The following ANKFN1 variants were observed in gnomAD, a reference collection of about 807,000 sequenced individuals.
ANKFN1 encodes ankyrin repeat and fibronectin type-III domain-containing protein 1.
In ANKFN1, 74 loss-of-function variants were observed where a neutral mutation model predicts 108.7. The observed-to-expected ratio is 0.68, with a 90% confidence interval of 0.56 to 0.83. The LOEUF is 0.83. Among genes scored for constraint, ANKFN1 ranks in the 40% least tolerant of loss-of-function variants. The probability of loss-of-function intolerance (pLI) is 0.00; values close to 1 mark genes in which losing one functional copy is unlikely to be tolerated. For missense variants in ANKFN1, 1,505 were observed against 1,382.3 expected (o/e 1.09, Z -1.41); for synonymous variants, 547 against 516.2 (o/e 1.06, Z -0.81).
chr17:56,098,078 T>C (rs1293830287), intron 4 of ANKFN1, among the ~76,000 whole-genome samples: 1 of 151,988 alleles, frequency 6.6e-6, no homozygotes, highest in Admixed American at 6.6e-5. Context: ...CAGAAGGAGA[T>C]TGGAGGAGGC....
At chr17:56,170,319 C>G (rs1910532298) in intron 1 of ANKFN1, among the ~76,000 whole-genome samples, 1 of 152,084 alleles carries the variant, frequency 6.6e-6, no homozygotes, top group South Asian at 2.1e-4. Context: ...CCAATAATTA[C>G]CAATGCAAAT....
chr17:56,494,304 A>C (rs933449602), intron 19 of ANKFN1, among the ~76,000 whole-genome samples: 5 of 152,150 alleles, frequency 3.3e-5, no homozygotes, highest in Admixed American at 2.0e-4. Flanking sequence ...CATTCAAAAC[A>C]TTTACTTCAT....
intron 4 of ANKFN1, among the ~76,000 whole-genome samples, chr17:56,050,420 T>A (rs374863755): frequency 7.4e-6 from 1 of 134,746 alleles, no homozygotes; most frequent in African/African-American, 2.9e-5. Context: ...GTCAATTTTG[T>A]CTTTTGTTGC....
chr17:56,300,426 A>C (rs2044639875), intron 3 of ANKFN1, among the ~76,000 whole-genome samples: 1 of 152,052 alleles, frequency 6.6e-6, no homozygotes, highest in Non-Finnish European at 1.5e-5. Context: ...CTTAATTTTT[A>C]AGCCCATGTG....
At chr17:56,250,181 C>A (rs1325170962) in intron 3 of ANKFN1, among the ~76,000 whole-genome samples, 2 of 152,120 alleles carry the variant, frequency 1.3e-5, no homozygotes, top group South Asian at 2.1e-4. Flanking sequence ...GTCCAAAAAA[C>A]CCAGTTTTAC....
chr17:56,098,910 G>A (rs1021394977), intron 4 of ANKFN1, among the ~76,000 whole-genome samples: 3 of 151,860 alleles, frequency 2.0e-5, no homozygotes, highest in African/African-American at 7.3e-5. Flanking sequence ...AGGAAGAGAA[G>A]GACACAATGT....
At chr17:56,482,666 T>A in intron 18 of ANKFN1, 142 bp downstream of exon 18, 1 of 992,324 alleles carries the variant, frequency 1.0e-6, no homozygotes, top group Non-Finnish European at 1.4e-6. Flanking sequence ...TAGAACTGTG[T>A]ACAAGTCTGA....
intron 8 of ANKFN1, among the ~76,000 whole-genome samples, chr17:56,385,365 C>T (rs1402935128): frequency 6.6e-6 from 1 of 152,172 alleles, no homozygotes; most frequent in Non-Finnish European, 1.5e-5. Flanking sequence ...ACCATAAAAA[C>T]CCTAGAAGAA....
chr17:56,459,023 T>C (rs2049809687), intron 14 of ANKFN1, among the ~76,000 whole-genome samples: 2 of 152,250 alleles, frequency 1.3e-5, no homozygotes, highest in African/African-American at 2.4e-5. Context: ...CTCTGTGATA[T>C]ATTCCATTAC....
intron 3 of ANKFN1, among the ~76,000 whole-genome samples, chr17:56,316,712 A>G (rs1358375568): frequency 6.6e-6 from 1 of 152,170 alleles, no homozygotes; most frequent in Non-Finnish European, 1.5e-5. Context: ...GGGTGGAAGG[A>G]GGAGAGTTTT....
In ANKFN1 at chr17:56,381,035, C is replaced by T. The variant is rs552268544; in HGVS notation, c.910+6321C>T. Reference sequence around the variant, plus strand: ...CCAAGCAGCCTAACTGGGAGGCACCCCCCAGTAGCGGCAGACTGACACCTC... The same window carrying T: ...CCAAGCAGCCTAACTGGGAGGCACCTCCCAGTAGCGGCAGACTGACACCTC... On this transcript the variant is annotated intron_variant, in intron 8 of 20. Transcript: ENST00000682825. 3.0e-4 allele frequency among the ~76,000 whole-genome samples: 45 copies of T among 152,322 alleles called. No homozygotes were observed. The Middle Eastern group carries it at 0.01, about 35-fold the overall frequency.
intron 3 of ANKFN1, among the ~76,000 whole-genome samples, chr17:56,260,821 C>T (rs1433866254): frequency 6.6e-6 from 1 of 152,176 alleles, no homozygotes; most frequent in African/African-American, 2.4e-5. Flanking sequence ...CAGGTCCAAA[C>T]GATGTCACCT....
intron 3 of ANKFN1, among the ~76,000 whole-genome samples, chr17:56,308,248 AAG>A (rs1426107881): frequency 1.3e-5 from 2 of 151,966 alleles, no homozygotes; most frequent in African/African-American, 4.8e-5. Flanking sequence ...AAAAAAAAAA[AAG>A]AAGTTAAAGC....
intron 4 of ANKFN1, among the ~76,000 whole-genome samples, chr17:56,342,262 A>C (rs185279114): frequency 6.7e-6 from 1 of 148,994 alleles, no homozygotes; most frequent in Admixed American, 6.7e-5. Flanking sequence ...TCCTTGATTA[A>C]TTGATCTTTT....
At chr17:56,490,408 G>A (rs1598713204) in intron 18 of ANKFN1, among the ~76,000 whole-genome samples, 1 of 152,272 alleles carries the variant, frequency 6.6e-6, no homozygotes, top group East Asian at 1.9e-4. Context: ...ATGTTTCAAA[G>A]CATGGAAGTA....
In ANKFN1 at chr17:56,153,524, A is replaced by T; in HGVS notation, c.-77A>T. 6.2e-7 allele frequency: 1 copy of T among 1,614,100 alleles called. No individual in the cohort carries two copies. On this transcript the variant is annotated 5_prime_UTR_variant, in exon 1 of 21. Transcript: ENST00000682825. ...CTGTGTCTCTCATGGAGGCGTCTCT[A>T]ACCAGGGTAGGAAAACAATAGTTCT...
chr17:56,361,029 C>T (rs2144718461), intron 6 of ANKFN1, among the ~76,000 whole-genome samples: 1 of 152,228 alleles, frequency 6.6e-6, no homozygotes, highest in East Asian at 1.9e-4. Context: ...CTATTCTACT[C>T]TCTGTTTCTG....
At chr17:56,146,080 T>G (rs1487148453) in intron 4 of ANKFN1, among the ~76,000 whole-genome samples, 2 of 152,230 alleles carry the variant, frequency 1.3e-5, no homozygotes, top group East Asian at 3.8e-4. Flanking sequence ...ACAGGCCCCA[T>G]GCAAGTCCAA....
At chr17:56,335,054 C>T (rs553965756) in intron 4 of ANKFN1, among the ~76,000 whole-genome samples, 1 of 152,254 alleles carries the variant, frequency 6.6e-6, no homozygotes, top group Admixed American at 6.5e-5. Context: ...GGTGTTATTT[C>T]TGAGGTCTCT....
Sources: allele counts gnomAD v4.1 joint callset (sites outside exome capture counted in the v4.1 genomes callset), GRCh38; gene constraint gnomAD v4.1.1; transcripts MANE v1.5; gene names NCBI Gene and HGNC (gene_info 2026-07-23, HGNC 2026-07-21).